The following ATP8B1 variants were observed in gnomAD, a reference collection of about 807,000 sequenced individuals.
ATP8B1 encodes the protein ATPase phospholipid transporting 8B1, also known as phospholipid-transporting ATPase IC.
A neutral mutation model predicts 149.9 loss-of-function variants in ATP8B1; 80 were observed. The ratio of observed to expected loss-of-function variants is 0.53; its 90% confidence interval spans 0.45 to 0.64. ATP8B1 has a LOEUF of 0.64. Among genes scored for constraint, ATP8B1 ranks in the 30% least tolerant of loss-of-function variants. The pLI is 0.00. For missense variants in ATP8B1, 1,247 were observed against 1,552.6 expected, an observed-to-expected ratio of 0.80 and a Z score of 3.31; for synonymous variants, 536 against 562.8, an observed-to-expected ratio of 0.95 and a Z score of 0.67.
chr18:57,718,592 C>T (rs1277637428), intron 2 of ATP8B1, among the ~76,000 whole-genome samples: 1 of 152,154 alleles, frequency 6.6e-6, no homozygotes, highest in African/African-American at 2.4e-5. Context: ...AGGCCAATAT[C>T]ATTGATGAAT....
chr18:57,693,704 A>G (rs1436681683), intron 11 of ATP8B1, among the ~76,000 whole-genome samples: 2 of 151,958 alleles, frequency 1.3e-5, no homozygotes, highest in Non-Finnish European at 2.9e-5. Flanking sequence ...GTGAAACTCA[A>G]TCTCAAAAAA....
chr18:57,773,333 G>A (rs2080280445), intron 1 of ATP8B1, among the ~76,000 whole-genome samples: 3 of 152,158 alleles, frequency 2.0e-5, no homozygotes, highest in Admixed American at 2.0e-4. Context: ...GGGGCCAAAG[G>A]CGGAGGCTAA....
chr18:57,729,698 T>C (rs2079742130), intron 2 of ATP8B1, among the ~76,000 whole-genome samples: 1 of 151,892 alleles, frequency 6.6e-6, no homozygotes, highest in African/African-American at 2.4e-5. Context: ...CTACAGGCAC[T>C]TGCCACCACG....
chr18:57,703,788 G>T (rs898508760), intron 4 of ATP8B1, among the ~76,000 whole-genome samples: 1 of 151,866 alleles, frequency 6.6e-6, no homozygotes, highest in Non-Finnish European at 1.5e-5. Flanking sequence ...TTTTTAAGTA[G>T]GCCTTTTAAA....
intron 15 of ATP8B1, among the ~76,000 whole-genome samples, chr18:57,680,274 T>C (rs1911866451): frequency 3.6e-5 from 1 of 27,644 alleles, no homozygotes; most frequent in African/African-American, 1.6e-4. Context: ...CGAGACTCAG[T>C]CTCAAAAAAA....
intron 24 of ATP8B1, among the ~76,000 whole-genome samples, chr18:57,653,682 CTTT>C (rs71171057): frequency 4.5e-3 from 532 of 117,796 alleles, no homozygotes; most frequent in African/African-American, 7.0e-3. Flanking sequence ...CCTCTTTTCT[CTTT>C]TTTTTTTTTT....
chr18:57,798,202 C>CTGTG (rs1180925704), intron 1 of ATP8B1, among the ~76,000 whole-genome samples: 2 of 152,156 alleles, frequency 1.3e-5, no homozygotes, highest in African/African-American at 2.4e-5. Context: ...AGCAATGAGC[C>CTGTG]TTTCAAGAAG....
At chr18:57,748,206 A>G (rs1339502284) in intron 1 of ATP8B1, among the ~76,000 whole-genome samples, 1 of 152,228 alleles carries the variant, frequency 6.6e-6, no homozygotes, top group African/African-American at 2.4e-5. Flanking sequence ...CAGGCTCTCC[A>G]CTATGTATTC....
chr18:57,712,486 G>A (rs1313322181), intron 2 of ATP8B1, among the ~76,000 whole-genome samples: 1 of 152,168 alleles, frequency 6.6e-6, no homozygotes, highest in Middle Eastern at 3.2e-3. Flanking sequence ...GGAATCTCCT[G>A]TACCTTGGTC....
intron 20 of ATP8B1, 131 bp from the exon 21 acceptor site, chr18:57,662,746 T>C: frequency 1.9e-6 from 2 of 1,043,058 alleles, no homozygotes; most frequent in Non-Finnish European, 2.8e-6. Flanking sequence ...TTTGTTTCTT[T>C]ATTTTATTTT....
At chr18:57,677,774 C>T (rs1010960818) in intron 15 of ATP8B1, among the ~76,000 whole-genome samples, 15 of 152,094 alleles carry the variant, frequency 9.9e-5, no homozygotes, top group Non-Finnish European at 1.8e-4. Flanking sequence ...AAATCAGCAG[C>T]GGTGAGAACA....
chr18:57,661,041 G>A, intron 22 of ATP8B1, 133 bp downstream of exon 22: 1 of 1,258,308 alleles, frequency 7.9e-7, no homozygotes, highest in Non-Finnish European at 1.1e-6. Flanking sequence ...ATGGTTAAGT[G>A]ACTTTATGAA....
intron 22 of ATP8B1, among the ~76,000 whole-genome samples, chr18:57,656,817 G>A (rs1347124802): frequency 6.7e-6 from 1 of 149,642 alleles, no homozygotes; most frequent in East Asian, 2.0e-4. Flanking sequence ...GGGAGAGAAG[G>A]GAGGGAGGGG....
chr18:57,741,336 T>C (rs2079912127), intron 1 of ATP8B1, among the ~76,000 whole-genome samples: 2 of 152,224 alleles, frequency 1.3e-5, no homozygotes, highest in Admixed American at 6.5e-5. Flanking sequence ...CAGCCAACTC[T>C]TTCCCCTTCC....
intron 20 of ATP8B1, among the ~76,000 whole-genome samples, chr18:57,666,174 C>T (rs1403237142): frequency 6.6e-6 from 1 of 152,194 alleles, no homozygotes; most frequent in Non-Finnish European, 1.5e-5. Context: ...GTCAGGCCAT[C>T]AGTAAACACA....
intron 20 of ATP8B1, among the ~76,000 whole-genome samples, chr18:57,662,975 T>C (rs1277911497): frequency 6.6e-6 from 1 of 152,206 alleles, no homozygotes; most frequent in Non-Finnish European, 1.5e-5. Flanking sequence ...TTTGACCATT[T>C]TTAAGTGTAC....
chr18:57,738,607 G>A (rs780080722), intron 1 of ATP8B1, among the ~76,000 whole-genome samples: 7 of 149,984 alleles, frequency 4.7e-5, no homozygotes, highest in African/African-American at 1.7e-4. Context: ...CAACAAGAGC[G>A]AAACTCTGCC....
At chr18:57,665,526 A>G (rs1308393141) in intron 20 of ATP8B1, among the ~76,000 whole-genome samples, 4 of 152,114 alleles carry the variant, frequency 2.6e-5, no homozygotes, top group Admixed American at 2.6e-4. Context: ...AAGTAAACTC[A>G]TTAAGCATTA....
intron 15 of ATP8B1, among the ~76,000 whole-genome samples, chr18:57,682,008 T>A (rs1328876184): frequency 2.1e-5 from 1 of 47,446 alleles, no homozygotes; most frequent in Non-Finnish European, 4.3e-5. Flanking sequence ...CTTTGTGTTA[T>A]TTTTTTTTTT....
Sources: gnomAD v4.1 joint callset for allele counts (sites outside exome capture counted in the v4.1 genomes callset) on GRCh38, gnomAD v4.1.1 for gene constraint, MANE v1.5 for transcripts, NCBI Gene and HGNC (gene_info 2026-07-23, HGNC 2026-07-21) for gene names.